The following ZFP62 variants were observed in gnomAD, a reference collection of about 807,000 sequenced individuals.
ZFP62 encodes ZFP62 zinc finger protein, also known as zinc finger protein 62 homolog.
In ZFP62, 44 loss-of-function variants were observed where a neutral mutation model predicts 56.4. That is an observed-to-expected ratio of 0.78 (90% CI 0.61 to 1.00). The LOEUF is 1.00. Among genes scored for constraint, ZFP62 ranks in the 50% least tolerant of loss-of-function variants. ZFP62 has a pLI of 0.00. For synonymous variants in ZFP62, 421 were observed against 388.9 expected (o/e 1.08, Z -0.97); for missense variants, 1,030 against 1,085.7 (o/e 0.95, Z 0.72).
chr5:180,846,806 G>A (rs553105344), downstream of ZFP62, among the ~76,000 whole-genome samples: 6 of 152,296 alleles, frequency 3.9e-5, no homozygotes, highest in South Asian at 4.1e-4. Flanking sequence ...CTCCCACCCA[G>A]TACCTGGGAC....
At chr5:180,841,010 T>C in the ZFP62 span, among the ~76,000 whole-genome samples, 2 of 152,134 alleles carry the variant, frequency 1.3e-5, no homozygotes, top group Non-Finnish European at 2.9e-5. Context: ...TTTTTGTTTT[T>C]TGTTGCAATG....
chr5:180,845,326 T>TAAAAAAAAAAAAAAA (rs772922940), downstream of ZFP62, among the ~76,000 whole-genome samples: 1 of 32,828 alleles, frequency 3.0e-5, no homozygotes, highest in Non-Finnish European at 4.9e-5. Flanking sequence ...GAGACCGTCT[T>TAAAAAAAAAAAAAAA]AAAAAAAAAA....
chr5:180,840,345 TC>T, the ZFP62 span, among the ~76,000 whole-genome samples: 1 of 152,126 alleles, frequency 6.6e-6, no homozygotes, highest in African/African-American at 2.4e-5. Context: ...AAGATGCCCC[TC>T]AAAGCCCCAC....
chr5:180,850,468 C>T lies in ZFP62; in HGVS notation c.1027G>A (p.Glu343Lys). Reference protein sequence around the residue: ...GDKPYKCDECEKSFNYSSLLI... With the variant: ...GDKPYKCDECKKSFNYSSLLI... ...AGAGAGCTATAATTAAAAGATTTCTCACACTCATCACATTTATAGGGTTTA... is the reference window on the plus strand; with the variant it reads ...AGAGAGCTATAATTAAAAGATTTCTTACACTCATCACATTTATAGGGTTTA... Residue 343 changes from glutamate (E) to lysine (K), a missense_variant, in exon 2 of 2, where the codon GAG becomes AAG. By Grantham distance (56) the Glu-to-Lys change is moderately conservative. Coordinates refer to ENST00000502412, the MANE Select transcript of ZFP62 (RefSeq NM_001172638.2). 1.9e-6 allele frequency: 3 copies of T among 1,552,480 alleles called. No homozygotes were observed. The highest frequency in any genetic ancestry group is 2.4e-5 in the South Asian group (2 of 84,110).
At chr5:180,836,126 C>T in the ZFP62 span, among the ~76,000 whole-genome samples, 1 of 152,258 alleles carries the variant, frequency 6.6e-6, no homozygotes, top group African/African-American at 2.4e-5. Context: ...GTGTAGTAGG[C>T]TCTCCTGGCT....
chr5:180,835,866 C>T, the ZFP62 span: 1 of 152,206 alleles, frequency 6.6e-6, no homozygotes, highest in African/African-American at 2.4e-5. Flanking sequence ...TTGGCTCTTG[C>T]AGCCTGTATT....
the ZFP62 span, chr5:180,831,223 G>A: frequency 0.035 from 5,444 of 153,898 alleles, 93 homozygotes; most frequent in South Asian, 0.067. Flanking sequence ...TTGCGGGGAG[G>A]CCTCAGGTCA....
Position 180,848,962 on chromosome 5 carries a change from ACT to A in ZFP62, c.2531_2532del (p.Glu844ValfsTer3). On this transcript the variant is annotated frameshift_variant, in exon 2 of 2. Coordinates refer to ENST00000502412, the MANE Select transcript of ZFP62 (RefSeq NM_001172638.2). LOFTEE classifies it high-confidence loss of function. ...GATCTGATATTAAAAGCCTTACCAC[ACT>A]CATTACATCGGTATGGCTTCTTTCC... is the stretch of plus-strand genomic sequence containing the variant. ...HTGKKPYRCN[E>X]CGKAFNIRSN... 1.3e-6 allele frequency: 2 copies of A among 1,551,806 alleles called. No individual in the cohort carries two copies. The highest frequency in any genetic ancestry group is 8.7e-7 in the Non-Finnish European group (1 of 1,146,992).
chr5:180,842,634 C>G (rs1462368353), downstream of ZFP62, among the ~76,000 whole-genome samples: 3 of 151,982 alleles, frequency 2.0e-5, no homozygotes, highest in Non-Finnish European at 2.9e-5. Flanking sequence ...TATTTTTAGG[C>G]AAATAAAAAT....
chr5:180,854,457 C>T (rs1581969521), intron 1 of ZFP62, among the ~76,000 whole-genome samples: 1 of 152,322 alleles, frequency 6.6e-6, no homozygotes, highest in East Asian at 1.9e-4. Flanking sequence ...AGTCAGCACT[C>T]TGCAACTATC....
downstream of ZFP62, among the ~76,000 whole-genome samples, chr5:180,843,213 G>C (rs961377140): frequency 6.6e-6 from 1 of 151,766 alleles, no homozygotes; most frequent in East Asian, 1.9e-4. Context: ...TAGGAACTTT[G>C]CATTGTCTAG....
At chr5:180,847,253 T>A (rs17141205), downstream of ZFP62, among the ~76,000 whole-genome samples, 15,770 of 152,266 alleles carry the variant, frequency 0.1, 2,034 homozygotes, top group African/African-American at 0.3. Flanking sequence ...CAGAAGAGTC[T>A]ATTTTTACCC....
chr5:180,841,268 CAT>C, the ZFP62 span, among the ~76,000 whole-genome samples: 112,801 of 148,150 alleles, frequency 0.76, 43,072 homozygotes, highest in East Asian at 0.97. Context: ...CACACACACA[CAT>C]ATATATATAC....
At chr5:180,827,930 C>T in the ZFP62 span, among the ~76,000 whole-genome samples, 1 of 152,224 alleles carries the variant, frequency 6.6e-6, no homozygotes, top group Non-Finnish European at 1.5e-5. Flanking sequence ...AAAAGCACAG[C>T]ACTTGATTCT....
chr5:180,846,368 G>A (rs574017647), downstream of ZFP62, among the ~76,000 whole-genome samples: 13 of 152,332 alleles, frequency 8.5e-5, no homozygotes, highest in South Asian at 2.1e-3. Flanking sequence ...ATTAGGTTCA[G>A]CTGGAGCTCA....
the ZFP62 span, among the ~76,000 whole-genome samples, chr5:180,838,631 C>A: frequency 1.3e-5 from 2 of 152,154 alleles, no homozygotes; most frequent in Non-Finnish European, 2.9e-5. Context: ...GGCATCATAT[C>A]AGAAGCTTAT....
chr5:180,850,124 C>G lies in ZFP62; in HGVS notation c.1371G>C (p.Thr457=), dbSNP rs370869519. Residue 457 remains threonine, a synonymous_variant, in exon 2 of 2, where the codon ACG becomes ACC. Transcript: ENST00000502412. ...RPYVCDVCGK[T]FRNNAGLKVH... Reference sequence around the variant, plus strand: ...CTTTGAGGCCTGCATTGTTTCTGAACGTTTTCCCACACACATCACATACAT... The same window carrying G: ...CTTTGAGGCCTGCATTGTTTCTGAAGGTTTTCCCACACACATCACATACAT... 1 of 1,551,482 alleles carries G rather than the reference C, an allele frequency of 6.4e-7. No individual in the cohort carries two copies. The highest frequency in any genetic ancestry group is 2.0e-5 in the Admixed American group (1 of 50,978).
downstream of ZFP62, chr5:180,847,511 A>T: frequency 4.8e-6 from 4 of 840,560 alleles, no homozygotes; most frequent in Non-Finnish European, 5.7e-6. Flanking sequence ...CTGTGGGATG[A>T]GTCTACTACC....
At chr5:180,831,712 C>G in the ZFP62 span, 1 of 152,886 alleles carries the variant, frequency 6.5e-6, no homozygotes, top group South Asian at 2.1e-4. Context: ...CATTCCCGAC[C>G]TCCGCACCCT....
Sources: gnomAD v4.1 joint callset for allele counts (sites outside exome capture counted in the v4.1 genomes callset) on GRCh38, gnomAD v4.1.1 for gene constraint, MANE v1.5 for transcripts, NCBI Gene and HGNC (gene_info 2026-07-23, HGNC 2026-07-21) for gene names.